TTC1: variants seen among roughly 807,000 people sequenced by gnomAD.
The protein encoded by TTC1 is tetratricopeptide repeat protein 1.
In TTC1, 31 loss-of-function variants were observed where a neutral mutation model predicts 37.6. The ratio of observed to expected loss-of-function variants is 0.82; its 90% CI spans 0.62 to 1.11. TTC1 has a LOEUF of 1.11. Ranked by LOEUF, TTC1 falls within the 50% of genes most tolerant of loss-of-function variation. The pLI is 0.00. For missense variants in TTC1, 351 were observed against 339.0 expected (o/e 1.04, Z -0.28); for synonymous variants, 127 against 122.4 (o/e 1.04, Z -0.25).
At chr5:160,018,795 C>A (rs115581191) in intron 2 of TTC1, among the ~76,000 whole-genome samples, 1,765 of 152,200 alleles carry the variant, frequency 0.012, 23 homozygotes, top group African/African-American at 0.024. Context: ...AACATTTGAG[C>A]CCAATTAGGC....
chr5:160,012,755 G>A (rs930710306), intron 2 of TTC1, among the ~76,000 whole-genome samples: 4 of 152,160 alleles, frequency 2.6e-5, no homozygotes, highest in African/African-American at 9.7e-5. Flanking sequence ...TAAAAATTGA[G>A]ATATAATTTA....
chr5:160,028,370 T>A (rs1401017107), intron 2 of TTC1, among the ~76,000 whole-genome samples: 1 of 152,136 alleles, frequency 6.6e-6, no homozygotes, highest in Non-Finnish European at 1.5e-5. Context: ...CTTTCTTCCC[T>A]TCTTCTGGGT....
At chr5:160,045,550 T>TCTCC (rs1479440494) in intron 5 of TTC1, among the ~76,000 whole-genome samples, 3 of 119,074 alleles carry the variant, frequency 2.5e-5, no homozygotes, top group Middle Eastern at 4.1e-3. Context: ...TCTCTCTCTC[T>TCTCC]CTCCCCCTCC....
intron 4 of TTC1, among the ~76,000 whole-genome samples, chr5:160,037,486 C>T (rs922474748): frequency 1.2e-4 from 18 of 152,144 alleles, no homozygotes; most frequent in Non-Finnish European, 1.9e-4. Flanking sequence ...GTGGCCGAGG[C>T]GGGCACATCA....
intron 4 of TTC1, among the ~76,000 whole-genome samples, chr5:160,039,617 A>G (rs1369234873): frequency 6.6e-6 from 1 of 152,172 alleles, no homozygotes; most frequent in African/African-American, 2.4e-5. Context: ...GAGACAGTGG[A>G]TAAGATGCAC....
intron 3 of TTC1, among the ~76,000 whole-genome samples, chr5:160,036,325 C>T (rs1581102384): frequency 6.6e-6 from 1 of 152,256 alleles, no homozygotes; most frequent in Admixed American, 6.5e-5. Context: ...AGAGTTTAGT[C>T]TCTTTCCTCT....
At chr5:160,034,820 T>G (rs1756974448) in intron 2 of TTC1, among the ~76,000 whole-genome samples, 1 of 152,240 alleles carries the variant, frequency 6.6e-6, no homozygotes, top group South Asian at 2.1e-4. Flanking sequence ...GTATGTTATT[T>G]AGTTTCATTT....
chr5:160,061,128 C>T (rs965517840), intron 7 of TTC1, among the ~76,000 whole-genome samples: 5 of 152,216 alleles, frequency 3.3e-5, no homozygotes, highest in Non-Finnish European at 4.4e-5. Flanking sequence ...CTGCCTGCCC[C>T]GCTTCAGCCC....
At chr5:160,062,803 G>A (rs984463322) in intron 7 of TTC1, among the ~76,000 whole-genome samples, 10 of 151,470 alleles carry the variant, frequency 6.6e-5, no homozygotes, top group Admixed American at 1.3e-4. Flanking sequence ...GGCTGCTTTT[G>A]ATGGTTTTTT....
chr5:160,049,408 C>T (rs1757343037), intron 5 of TTC1, 106 bp from the exon 6 acceptor site: 1 of 1,121,818 alleles, frequency 8.9e-7, no homozygotes, highest in African/African-American at 1.6e-5. Context: ...GCAAATGACT[C>T]TTCCTTTCGT....
At chr5:160,040,261 T>TGTAGACACACACACACAC (rs1186948005) in intron 4 of TTC1, among the ~76,000 whole-genome samples, 1 of 151,586 alleles carries the variant, frequency 6.6e-6, no homozygotes, top group Non-Finnish European at 1.5e-5. Flanking sequence ...CACACACATA[T>TGTAGACACACACACACAC]GTATACACAC....
At chr5:160,018,036 T>G (rs917870770) in intron 2 of TTC1, among the ~76,000 whole-genome samples, 1 of 152,210 alleles carries the variant, frequency 6.6e-6, no homozygotes, top group African/African-American at 2.4e-5. Context: ...CATGTTGAAC[T>G]TAATCCTCAA....
intron 7 of TTC1, among the ~76,000 whole-genome samples, chr5:160,060,364 A>G (rs1324713242): frequency 6.6e-6 from 1 of 152,252 alleles, no homozygotes; most frequent in Non-Finnish European, 1.5e-5. Context: ...ATATTTATCA[A>G]CTGAACCCAG....
At position 160,046,117 on chromosome 5, in the gene TTC1, C is replaced by T. The variant is rs568844695; in HGVS notation, c.541+2948C>T. Among the ~76,000 whole-genome samples, 235 of 152,296 alleles carry T rather than the reference C, an allele frequency of 1.5e-3. 3 individuals are homozygous for T. Among genetic ancestry groups the T allele is most frequent in the African/African-American group, 5.5e-3 (227 of 41,564 alleles). The stretch of plus-strand genomic sequence containing the variant: ...AATTGCTGTACCATTTATCTGATCC[C>T]TTTCATTGAAATAATTGTCTATACT... On this transcript the variant is annotated intron_variant, in intron 5 of 7. Transcript: ENST00000231238.
At chr5:160,058,119 A>G (rs1018186664) in intron 7 of TTC1, among the ~76,000 whole-genome samples, 3 of 152,218 alleles carry the variant, frequency 2.0e-5, no homozygotes, top group African/African-American at 4.8e-5. Context: ...TGTTCACAAC[A>G]TCTTCACCAG....
intron 7 of TTC1, among the ~76,000 whole-genome samples, chr5:160,064,280 C>T (rs1243914769): frequency 6.6e-6 from 1 of 152,104 alleles, no homozygotes; most frequent in Non-Finnish European, 1.5e-5. Context: ...ATATACCTCA[C>T]CCAAGTCGTG....
intron 2 of TTC1, among the ~76,000 whole-genome samples, chr5:160,021,124 C>T (rs959886566): frequency 8.2e-6 from 1 of 121,836 alleles, no homozygotes; most frequent in Non-Finnish European, 1.8e-5. Context: ...TTTATTGTGT[C>T]TAAGCATCAC....
intron 2 of TTC1, among the ~76,000 whole-genome samples, chr5:160,023,012 T>C (rs894650885): frequency 6.6e-6 from 1 of 152,158 alleles, no homozygotes; most frequent in South Asian, 2.1e-4. Flanking sequence ...TCCCAACACT[T>C]TGGGAGGCCG....
At chr5:160,043,261 A>T (rs1332043440) in intron 5 of TTC1, 92 bp downstream of exon 5, 51 of 1,365,766 alleles carry the variant, frequency 3.7e-5, no homozygotes, top group Non-Finnish European at 5.1e-5. Context: ...GTACATGTGT[A>T]CCCTTCCTCT....
Sources: gnomAD v4.1 joint callset for allele counts (sites outside exome capture counted in the v4.1 genomes callset) on GRCh38, gnomAD v4.1.1 for gene constraint, MANE v1.5 for transcripts, NCBI Gene and HGNC (gene_info 2026-07-23, HGNC 2026-07-21) for gene names.